The following STAG3 variants were observed in gnomAD, a reference collection of about 807,000 sequenced individuals.
STAG3 encodes the protein cohesin subunit SA-3.
STAG3 carries 101 observed loss-of-function variants against 160.7 expected under a neutral mutation model. The observed-to-expected ratio is 0.63, with a 90% CI of 0.54 to 0.74. STAG3 has a LOEUF of 0.74. Ranked by LOEUF, STAG3 falls within the 30% of genes least tolerant of loss-of-function variation. STAG3 has a pLI of 0.00. For missense variants in STAG3, 1,188 were observed against 1,517.4 expected, an observed-to-expected ratio of 0.78 and a Z score of 3.61; for synonymous variants, 519 against 585.0, an observed-to-expected ratio of 0.89 and a Z score of 1.63.
At chr7:100,182,461 A>G (rs978319539) in intron 3 of STAG3, among the ~76,000 whole-genome samples, 3 of 152,210 alleles carry the variant, frequency 2.0e-5, no homozygotes, top group African/African-American at 7.2e-5. Flanking sequence ...GGAAGAAGAG[A>G]AATTTTGAAG....
rs1329188604 is a variant in STAG3 at position 100,214,368 on chromosome 7, CAT to C, written c.*354_*355del. 5 of 337,714 alleles carry C rather than the reference CAT, an allele frequency of 1.5e-5. No homozygotes were observed. The highest frequency in any genetic ancestry group is 2.1e-5 in the African/African-American group (1 of 47,722). 20.9% of individuals were successfully genotyped at this position (337,714 alleles called of 1,614,324 possible). On this transcript the variant is annotated 3_prime_UTR_variant, in exon 34 of 34. Transcript: ENST00000615138. ...GTGTCCTAATGATTCGCTCAATAAA[CAT>C]GTTTGAATCCACACGTTCCCAAGGT...
At chr7:100,182,422 G>A (rs1799707817) in intron 3 of STAG3, among the ~76,000 whole-genome samples, 1 of 151,828 alleles carries the variant, frequency 6.6e-6, no homozygotes, top group Non-Finnish European at 1.5e-5. Context: ...AAAAGGACAA[G>A]ATTTACAAAG....
At chr7:100,194,265 C>T (rs1431508076) in intron 8 of STAG3, among the ~76,000 whole-genome samples, 1 of 152,094 alleles carries the variant, frequency 6.6e-6, no homozygotes, top group East Asian at 1.9e-4. Context: ...TCATTTCTAG[C>T]TTTTGATTTA....
At chr7:100,203,247 C>G (rs1801308950) in intron 25 of STAG3, among the ~76,000 whole-genome samples, 1 of 150,640 alleles carries the variant, frequency 6.6e-6, no homozygotes, top group Non-Finnish European at 1.5e-5. Flanking sequence ...TGCAATGGCA[C>G]TATCTCGGCT....
Position 100,188,852 on chromosome 7 carries a change from G to C in STAG3, c.551G>C (p.Trp184Ser). Residue 184 changes from tryptophan (W) to serine (S), a missense_variant, in exon 7 of 34, where the codon TGG becomes TCG. Physicochemically the swap from Trp to Ser is radical, Grantham distance 177. Around this residue, in one of 4 missense-constraint regions of STAG3, gnomAD observed 296 missense variants for 404.0 expected, o/e 0.73. Coordinates refer to ENST00000615138, the MANE Select transcript of STAG3 (RefSeq NM_001282717.2). The stretch of plus-strand genomic sequence containing the variant: ...CCTCTCATAGCTCCAGGTCCATCCT[G>C]GAAGAAGTTCCAGGGCAGCTTCTGT... ...DYPLIAPGPS[W>S]KKFQGSFCEF... 1.9e-6 allele frequency: 3 copies of C among 1,614,108 alleles called. No individual in the cohort carries two copies. The highest frequency in any genetic ancestry group is 2.5e-6 in the Non-Finnish European group (3 of 1,180,014).
In STAG3 at chr7:100,200,232, C is replaced by T; in HGVS notation, c.1678-4C>T. On this transcript the variant is annotated splice_region_variant and splice_polypyrimidine_tract_variant and intron_variant, in intron 16 of 33. Transcript: ENST00000615138. ...CCCCCACCCCCAAGTGACTCTCATT[C>T]CAGGGCTTAACCTCTAAGGAGCGCA... 1 of 1,610,050 alleles carries T rather than the reference C, an allele frequency of 6.2e-7. No homozygotes were observed. Among genetic ancestry groups the T allele is most frequent in the African/African-American group, 1.3e-5 (1 of 74,856 alleles).
At chr7:100,192,166 C>A (rs13312564) in intron 8 of STAG3, among the ~76,000 whole-genome samples, 2 of 152,196 alleles carry the variant, frequency 1.3e-5, no homozygotes, top group Non-Finnish European at 2.9e-5. Flanking sequence ...ATCAACTTAA[C>A]TCTTGTTAAT....
At chr7:100,194,924 T>A (rs1800581840) in intron 8 of STAG3, among the ~76,000 whole-genome samples, 1 of 146,082 alleles carries the variant, frequency 6.8e-6, no homozygotes, top group Non-Finnish European at 1.6e-5. Flanking sequence ...GATATACTAT[T>A]AGAAAAATGG....
chr7:100,205,467 G>A, intron 29 of STAG3, 83 bp downstream of exon 29: 1 of 1,325,028 alleles, frequency 7.5e-7, no homozygotes, highest in Non-Finnish European at 1.0e-6. Context: ...GTATTTCATT[G>A]AGCATCTACT....
chr7:100,195,260 T>C (rs774643949), intron 8 of STAG3, 49 bp from the exon 9 acceptor site: 4 of 1,554,610 alleles, frequency 2.6e-6, no homozygotes, highest in Admixed American at 3.3e-5. Flanking sequence ...CAGGGCCTTA[T>C]GCTTGTTAGG....
chr7:100,195,867 C>T (rs541251384), intron 9 of STAG3, among the ~76,000 whole-genome samples: 4 of 152,134 alleles, frequency 2.6e-5, no homozygotes, highest in East Asian at 1.9e-4. Flanking sequence ...TGGTGGCTCA[C>T]GCCTGTAATC....
chr7:100,203,678 C>G (rs1379256348), intron 25 of STAG3, among the ~76,000 whole-genome samples: 1 of 151,762 alleles, frequency 6.6e-6, no homozygotes, highest in Non-Finnish European at 1.5e-5. Context: ...CCACGCCCGG[C>G]TAATTTTTTG....
Position 100,180,667 on chromosome 7 carries a change from A to G in STAG3, c.111A>G (p.Ser37=). ...PFDDRDSNHT[S]EGNGDSLLAD... is the part of the protein sequence containing the mutation. ...ATGACAGGGACTCAAACCATACCTC[A>G]GAGGGGTAAGTAGATGTTGCATTGT... Residue 37 remains serine, a synonymous_variant, in exon 2 of 34, where the codon TCA becomes TCG. Transcript: ENST00000615138. 1 of 1,583,010 alleles carries G rather than the reference A, an allele frequency of 6.3e-7. No individual in the cohort carries two copies. The highest frequency in any genetic ancestry group is 8.7e-7 in the Non-Finnish European group (1 of 1,151,354).
At chr7:100,192,255 T>C (rs1316369123) in intron 8 of STAG3, among the ~76,000 whole-genome samples, 1 of 152,216 alleles carries the variant, frequency 6.6e-6, no homozygotes, top group African/African-American at 2.4e-5. Flanking sequence ...CCAGGCACAG[T>C]GGCTCACACC....
intron 13 of STAG3, 69 bp from the exon 14 acceptor site, chr7:100,198,774 C>T (rs1397532172): frequency 7.1e-7 from 1 of 1,415,396 alleles, no homozygotes; most frequent in African/African-American, 1.4e-5. Context: ...GCCATCTCCT[C>T]CCTCTGTGGT....
In STAG3 at chr7:100,214,219, CTG is replaced by C. The variant is rs944145508; in HGVS notation, c.*207_*208del. ...GAGAGACCCTGTCCTCCCTAATGCA[CTG>C]TGGCCCAGTCCCCTTGCCTTTTTCC... is the stretch of plus-strand genomic sequence containing the variant. On this transcript the variant is annotated 3_prime_UTR_variant, in exon 34 of 34. Coordinates refer to ENST00000615138, the MANE Select transcript of STAG3 (RefSeq NM_001282717.2). 3 of 632,152 alleles carry C rather than the reference CTG, an allele frequency of 4.7e-6. No homozygotes were observed. The African/African-American group carries it at 5.5e-5, about 12-fold the overall frequency. 39.2% of individuals were successfully genotyped at this position (632,152 alleles called of 1,614,324 possible).
intron 16 of STAG3, 138 bp from the exon 17 acceptor site, chr7:100,200,098 G>C: frequency 1.8e-6 from 1 of 546,090 alleles, no homozygotes; most frequent in Non-Finnish European, 3.1e-6. Flanking sequence ...TTCATTTCCA[G>C]AAAAAAGAAA....
chr7:100,215,479 C>T (rs1381421162), downstream of STAG3, among the ~76,000 whole-genome samples: 1 of 152,090 alleles, frequency 6.6e-6, no homozygotes, highest in East Asian at 1.9e-4. Flanking sequence ...CGCCTGTATT[C>T]AGGTAGAATA....
intron 1 of STAG3, among the ~76,000 whole-genome samples, chr7:100,179,483 C>T (rs1799505455): frequency 6.6e-6 from 1 of 152,060 alleles, no homozygotes; most frequent in Admixed American, 6.6e-5. Context: ...CCTCAGCCGC[C>T]TAAAGTTCTG....
Sources: gnomAD v4.1 joint callset for allele counts (sites outside exome capture counted in the v4.1 genomes callset) on GRCh38, gnomAD v4.1.1 for gene constraint, gnomAD v4.1.1 regional missense constraint, MANE v1.5 for transcripts, NCBI Gene and HGNC (gene_info 2026-07-23, HGNC 2026-07-21) for gene names.